Variants in SDK2 observed in about 807,000 individuals in gnomAD.
SDK2 encodes protein sidekick-2.
Under a neutral mutation model 253.9 loss-of-function variants are expected in SDK2, and 105 were observed. That is an observed-to-expected ratio of 0.41 (90% CI 0.35 to 0.49). SDK2 has a LOEUF of 0.49. Ranked by LOEUF, SDK2 falls within the 20% of genes least tolerant of loss-of-function variation. SDK2 has a pLI of 0.06. For synonymous variants in SDK2, 1,249 were observed against 1,234.9 expected, an observed-to-expected ratio of 1.01 and a Z score of -0.24; for missense variants, 2,608 against 3,003.0, an observed-to-expected ratio of 0.87 and a Z score of 3.07.
chr17:73,457,174 G>A (rs1158081303), intron 3 of SDK2, among the ~76,000 whole-genome samples: 6 of 152,004 alleles, frequency 3.9e-5, no homozygotes, highest in East Asian at 1.9e-4. Context: ...TTTCACTGGC[G>A]TGGAGTGTGG....
intron 1 of SDK2, among the ~76,000 whole-genome samples, chr17:73,604,178 C>A (rs535102753): frequency 2.6e-5 from 4 of 152,214 alleles, no homozygotes; most frequent in African/African-American, 9.6e-5. Context: ...GTGGAAATAA[C>A]GTGCTCACAC....
At position 73,559,384 on chromosome 17, in the gene SDK2, G is replaced by A. The variant is rs897389919; in HGVS notation, c.65-51787C>T. Among the ~76,000 whole-genome samples, 8 of 152,338 alleles carry A rather than the reference G, an allele frequency of 5.3e-5. 1 individual carries two copies. Among genetic ancestry groups the A allele is most frequent in the African/African-American group, 1.9e-4 (8 of 41,578 alleles). ...ATGTACGCAAGACTGTTGGCAAGAA[G>A]CAAGGAGTTGATAAATGGAATAGAC... On this transcript the variant is annotated intron_variant, in intron 1 of 44. Transcript: ENST00000392650.
chr17:73,599,799 T>C (rs531685629), intron 1 of SDK2, among the ~76,000 whole-genome samples: 18 of 152,158 alleles, frequency 1.2e-4, no homozygotes, highest in Non-Finnish European at 2.4e-4. Context: ...GCCCAACCTG[T>C]TCCCCACTTG....
chr17:73,338,620 C>T lies in SDK2; in HGVS notation c.6486G>A (p.Arg2162=). ...ATGATGAAAATCCTGCTATGGGAGC[C>T]CGGGAGCCTGGGGCCAGGCTGCTGG... The part of the protein sequence containing the change: ...RPPSSLAPGS[R]APIAGFSSFV Residue 2162 remains arginine, a synonymous_variant, in exon 45 of 45, where the codon CGG becomes CGA. Transcript: ENST00000392650. This position sits in a 1 kb window ranked among gnomAD's most constrained non-coding sequence, Gnocchi z 5.0. 1 of 1,529,258 alleles carries T rather than the reference C, an allele frequency of 6.5e-7. No homozygotes were observed. The highest frequency in any genetic ancestry group is 8.7e-7 in the Non-Finnish European group (1 of 1,143,750). 94.7% of individuals were successfully genotyped at this position (1,529,258 alleles called of 1,614,324 possible).
At chr17:73,350,813 T>C in intron 41 of SDK2, 23 bp from the exon 42 acceptor site, 1 of 1,586,254 alleles carries the variant, frequency 6.3e-7, no homozygotes, top group Non-Finnish European at 8.6e-7. Context: ...TAGTCAGGTA[T>C]ATAGGGTGCT....
intron 32 of SDK2, 47 bp from the exon 33 acceptor site, chr17:73,384,058 C>A: frequency 1.3e-6 from 2 of 1,584,868 alleles, no homozygotes; most frequent in South Asian, 2.3e-5. Context: ...GACCACCACC[C>A]ACCCCTCCCC....
At chr17:73,444,029 C>T (rs986780066) in intron 5 of SDK2, among the ~76,000 whole-genome samples, 4 of 152,064 alleles carry the variant, frequency 2.6e-5, no homozygotes, top group Non-Finnish European at 4.4e-5. Flanking sequence ...TGATGGTTGC[C>T]GGGAAGGGGG....
At chr17:73,357,137 A>G (rs2062598666) in intron 40 of SDK2, among the ~76,000 whole-genome samples, 3 of 152,234 alleles carry the variant, frequency 2.0e-5, no homozygotes, top group South Asian at 4.1e-4. Flanking sequence ...GCTATATGCA[A>G]CTGCGATTAT....
At chr17:73,364,013 G>A (rs1052957688) in intron 38 of SDK2, among the ~76,000 whole-genome samples, 2 of 151,906 alleles carry the variant, frequency 1.3e-5, no homozygotes, top group South Asian at 2.1e-4. Context: ...TGGTCACAAC[G>A]ATGTTCCCAG....
chr17:73,532,970 G>A (rs967351921), intron 1 of SDK2, among the ~76,000 whole-genome samples: 1 of 152,194 alleles, frequency 6.6e-6, no homozygotes, highest in Admixed American at 6.5e-5. Flanking sequence ...TAATAAAGAT[G>A]AGTATAAACA....
chr17:73,572,270 T>C lies in SDK2; in HGVS notation c.65-64673A>G, dbSNP rs192145124. ...TCCACAGCCTGTCTGTTTTGCTGTT[T>C]CCCTCCCTCCCCACTTTGTCCTATC... On this transcript the variant is annotated intron_variant, in intron 1 of 44. Transcript: ENST00000392650. 2.6e-5 allele frequency among the ~76,000 whole-genome samples: 4 copies of C among 152,170 alleles called. No individual in the cohort carries two copies. In the East Asian group the frequency reaches 7.7e-4, roughly 29 times the overall value.
intron 1 of SDK2, among the ~76,000 whole-genome samples, chr17:73,516,234 C>T (rs2064025668): frequency 6.6e-6 from 1 of 152,170 alleles, no homozygotes; most frequent in Non-Finnish European, 1.5e-5. Flanking sequence ...GGAGGGGTTG[C>T]AAACGCCTGC....
At chr17:73,587,999 C>A (rs1182461155) in intron 1 of SDK2, among the ~76,000 whole-genome samples, 1 of 152,162 alleles carries the variant, frequency 6.6e-6, no homozygotes, top group Non-Finnish European at 1.5e-5. Flanking sequence ...TCATAAGACT[C>A]TAGTCCAGTG....
Position 73,401,028 on chromosome 17 carries a change from A to G in SDK2, c.2963T>C (p.Val988Ala), listed in dbSNP as rs2063019996. The G allele has an allele frequency of 6.4e-7, 1 of 1,571,982 alleles. No homozygotes were observed. The highest frequency in any genetic ancestry group is 2.3e-5 in the East Asian group (1 of 42,716). Residue 988 changes from valine (V) to alanine (A), a missense_variant, in exon 21 of 45, where the codon GTG becomes GCG. Around this residue, in one of 2 missense-constraint regions of SDK2, gnomAD observed 1,505 missense variants for 1,859.1 expected, o/e 0.81. Transcript: ENST00000392650. The stretch of plus-strand genomic sequence containing the variant: ...TGAGAGTGGGCACTTACCTGGGGGC[A>G]CCCCAGAGGAGATGGTGGAGGCGGA... ...QVSASTISSG[V>A]PPELPGPPTN...
intron 20 of SDK2, 93 bp downstream of exon 20, chr17:73,401,561 G>T: frequency 8.4e-7 from 1 of 1,191,966 alleles, no homozygotes; most frequent in Non-Finnish European, 1.2e-6. Context: ...TCAAGAGTTT[G>T]GGTGAAAAGT....
intron 1 of SDK2, among the ~76,000 whole-genome samples, chr17:73,526,310 G>A (rs925829969): frequency 1.3e-5 from 2 of 152,198 alleles, no homozygotes; most frequent in Non-Finnish European, 2.9e-5. Context: ...GCAAGAGCAG[G>A]CCTGGGTGAG....
intron 6 of SDK2, among the ~76,000 whole-genome samples, chr17:73,440,360 C>T (rs2063405240): frequency 1.3e-5 from 2 of 152,114 alleles, no homozygotes; most frequent in Non-Finnish European, 2.9e-5. Flanking sequence ...CCCGCCTCAG[C>T]CTCCCAAAGT....
Position 73,496,348 on chromosome 17 carries a change from G to A in SDK2, c.224+11090C>T, listed in dbSNP as rs1323130732. Among the ~76,000 whole-genome samples, 9 of 152,192 alleles carry A rather than the reference G, an allele frequency of 5.9e-5. No individual in the cohort carries two copies. Among genetic ancestry groups the A allele is most frequent in the Non-Finnish European group, 1.2e-4 (8 of 68,048 alleles). ...AAGGCACACAGTGAGTCAGGGGCAG[G>A]ACTGGACATCACAAGGTGGGATGCT... is the stretch of plus-strand genomic sequence containing the variant. On this transcript the variant is annotated intron_variant, in intron 2 of 44. Transcript: ENST00000392650. This position sits in a 1 kb window ranked among gnomAD's most constrained non-coding sequence, Gnocchi z 4.7.
intron 28 of SDK2, among the ~76,000 whole-genome samples, chr17:73,391,092 C>T (rs1036955229): frequency 7.9e-5 from 12 of 152,214 alleles, no homozygotes; most frequent in African/African-American, 2.9e-4. Context: ...CGCCTTGAGA[C>T]TCTTTTCCAG....
Sources: allele counts gnomAD v4.1 joint callset (sites outside exome capture counted in the v4.1 genomes callset), GRCh38; gene constraint gnomAD v4.1.1; regional missense constraint gnomAD v4.1.1; non-coding constraint Gnocchi (gnomAD v3.1); transcripts MANE v1.5; gene names NCBI Gene and HGNC (gene_info 2026-07-23, HGNC 2026-07-21).